The following PRR11 variants were observed in gnomAD, a reference collection of about 807,000 sequenced individuals.
PRR11 encodes the protein proline-rich protein 11.
In PRR11, 30 loss-of-function variants were observed where a neutral mutation model predicts 45.6. The observed-to-expected ratio is 0.66, with a 90% CI of 0.49 to 0.89. PRR11 has a LOEUF of 0.89. Ranked by LOEUF, PRR11 falls within the 40% of genes least tolerant of loss-of-function variation. The pLI is 0.00. For synonymous variants in PRR11, 128 were observed against 153.5 expected, an observed-to-expected ratio of 0.83 and a Z score of 1.23; for missense variants, 373 against 424.8, an observed-to-expected ratio of 0.88 and a Z score of 1.07.
At chr17:59,199,217 G>A (rs984483398) in intron 9 of PRR11, among the ~76,000 whole-genome samples, 7 of 152,214 alleles carry the variant, frequency 4.6e-5, no homozygotes, top group African/African-American at 1.2e-4. Flanking sequence ...GAAGAAGGAA[G>A]AGGCATTTAC....
chr17:59,165,105 C>G (rs1314564458), intron 1 of PRR11, among the ~76,000 whole-genome samples: 2 of 152,002 alleles, frequency 1.3e-5, no homozygotes, highest in Non-Finnish European at 2.9e-5. Context: ...ACTGCAAGCT[C>G]CGCCTCCCAG....
In PRR11 at chr17:59,195,435, C is replaced by G; in HGVS notation, c.849C>G (p.Asn283Lys). The G allele has an allele frequency of 6.3e-7, 1 of 1,598,470 alleles. No individual in the cohort carries two copies. The highest frequency in any genetic ancestry group is 1.1e-5 in the South Asian group (1 of 90,806). The change falls in exon 7 of 10, where the codon AAC (asparagine) becomes AAG (lysine). Residue 283 changes from asparagine to lysine, a missense_variant. Asn to Lys is a moderately conservative substitution (Grantham distance 94). Transcript: ENST00000262293. The stretch of plus-strand genomic sequence containing the variant: ...AAGTGTTATCGACTCGAGTTACAAA[C>G]GTCTTAATGTAAGGAACTGCACAGT... The part of the protein sequence containing the change: ...NSKVLSTRVT[N>K]VLITPGKSQM...
intron 7 of PRR11, among the ~76,000 whole-genome samples, chr17:59,195,925 A>G (rs973384441): frequency 1.1e-4 from 17 of 151,744 alleles, no homozygotes; most frequent in Non-Finnish European, 1.6e-4. Flanking sequence ...AAAAAAAACT[A>G]ATTAAATTAA....
intron 1 of PRR11, among the ~76,000 whole-genome samples, chr17:59,156,646 CTCTT>C (rs1196756501): frequency 3.6e-4 from 54 of 151,438 alleles, no homozygotes; most frequent in African/African-American, 9.5e-4. Context: ...AACTTTTCTT[CTCTT>C]TCTTTCTTTT....
At chr17:59,185,626 C>T (rs1168788547) in intron 4 of PRR11, 64 bp downstream of exon 4, 22 of 1,368,002 alleles carry the variant, frequency 1.6e-5, no homozygotes, top group African/African-American at 2.9e-5. Flanking sequence ...TTTGAAAAGA[C>T]TATTGCAATA....
chr17:59,193,555 A>G lies in PRR11; in HGVS notation c.466A>G (p.Thr156Ala). ...GQTCHMSGKLTNVPACVLITP... is the reference protein window; with the variant it reads ...GQTCHMSGKLANVPACVLITP... ...AACATGTCACATGAGTGGTAAACTT[A>G]CAAATGTGCCTGCCTGCGTTCTGAT... is the stretch of plus-strand genomic sequence containing the variant. Residue 156 changes from threonine (T) to alanine (A), a missense_variant, in exon 5 of 10, where the codon ACA becomes GCA. By Grantham distance (58) the Thr-to-Ala change is moderately conservative. Coordinates refer to ENST00000262293, the MANE Select transcript of PRR11 (RefSeq NM_018304.4). 1.9e-6 allele frequency: 3 copies of G among 1,614,220 alleles called. No individual in the cohort carries two copies. The highest frequency in any genetic ancestry group is 2.5e-6 in the Non-Finnish European group (3 of 1,180,044).
chr17:59,174,977 G>A, intron 2 of PRR11: 2 of 814,660 alleles, frequency 2.5e-6, no homozygotes, highest in Non-Finnish European at 2.0e-6. Context: ...ACTACTCCAG[G>A]GAAACCCAAG....
chr17:59,195,708 G>A (rs879329314), intron 7 of PRR11, among the ~76,000 whole-genome samples: 1 of 152,024 alleles, frequency 6.6e-6, no homozygotes, highest in Non-Finnish European at 1.5e-5. Flanking sequence ...ATGGTTTATT[G>A]CCCCATTTAA....
chr17:59,173,360 C>A (rs1202749851), intron 2 of PRR11, among the ~76,000 whole-genome samples: 2 of 152,122 alleles, frequency 1.3e-5, no homozygotes, highest in Non-Finnish European at 1.5e-5. Flanking sequence ...CACTTTCACG[C>A]TGTGGAAGGT....
intron 4 of PRR11, among the ~76,000 whole-genome samples, chr17:59,188,330 G>A (rs7211873): frequency 0.019 from 2,842 of 152,156 alleles, 81 homozygotes; most frequent in African/African-American, 0.065. Flanking sequence ...TATTGAGAAT[G>A]GCCTAAATTG....
intron 2 of PRR11, chr17:59,177,307 A>G: frequency 3.7e-6 from 2 of 542,196 alleles, no homozygotes; most frequent in South Asian, 2.8e-5. Flanking sequence ...TGGGAGAGGA[A>G]GATCGTGGAG....
chr17:59,173,637 A>T (rs2046724726), intron 2 of PRR11, among the ~76,000 whole-genome samples: 1 of 152,242 alleles, frequency 6.6e-6, no homozygotes, highest in Non-Finnish European at 1.5e-5. Context: ...ATCAGAAGGA[A>T]CAAACTCCGG....
rs1555716473 is a variant in PRR11, at chr17:59,180,501, T to TTTTTGTTTTG, written c.129-4549_129-4548insGTTTTGTTTT. On this transcript the variant is annotated intron_variant, in intron 2 of 9. Transcript: ENST00000262293. ...TGACTTCTGGGCCCGTCCTTGTTTT[T>TTTTTGTTTTG]TTTTTTTTGTTTTTTTTGTTTTTTT... 6.5e-3 allele frequency among the ~76,000 whole-genome samples: 755 copies of TTTTTGTTTTG among 116,212 alleles called. 31 individuals carry two copies. The highest frequency in any genetic ancestry group is 0.025 in the African/African-American group (715 of 28,320). The allele number at this position is 116,212 out of a possible 152,430, so 76.2% of individuals were successfully genotyped here.
At chr17:59,169,569 A>G (rs957326310) in intron 1 of PRR11, among the ~76,000 whole-genome samples, 179 bp from the exon 2 acceptor site, 1 of 152,328 alleles carries the variant, frequency 6.6e-6, no homozygotes. Context: ...ATCTGTGTTT[A>G]CATTTTCCCC....
intron 3 of PRR11, 87 bp downstream of exon 3, chr17:59,185,291 C>T: frequency 6.5e-7 from 1 of 1,533,640 alleles, no homozygotes; most frequent in South Asian, 1.2e-5. Flanking sequence ...TCAGTCCAAC[C>T]CTCAAGCTAA....
chr17:59,176,511 G>A (rs116199776), intron 2 of PRR11, among the ~76,000 whole-genome samples: 6,445 of 151,958 alleles, frequency 0.042, 339 homozygotes, highest in African/African-American at 0.12. Flanking sequence ...GGTCGATGGC[G>A]TTTGCAGTTG....
chr17:59,178,847 C>G (rs2046764182), intron 2 of PRR11, among the ~76,000 whole-genome samples: 1 of 152,172 alleles, frequency 6.6e-6, no homozygotes, highest in Non-Finnish European at 1.5e-5. Context: ...CCATCATTTC[C>G]TCATGAGACA....
intron 2 of PRR11, among the ~76,000 whole-genome samples, chr17:59,174,616 A>G (rs1391114722): frequency 6.6e-6 from 1 of 152,050 alleles, no homozygotes; most frequent in African/African-American, 2.4e-5. Context: ...TTGTATTTTT[A>G]TGGAGAGGGG....
intron 1 of PRR11, among the ~76,000 whole-genome samples, chr17:59,164,724 T>A (rs1262161056): frequency 6.6e-6 from 1 of 151,692 alleles, no homozygotes; most frequent in Non-Finnish European, 1.5e-5. Flanking sequence ...AAATAAATTT[T>A]AAAAATTAGC....
Sources: allele counts gnomAD v4.1 joint callset (sites outside exome capture counted in the v4.1 genomes callset), GRCh38; gene constraint gnomAD v4.1.1; transcripts MANE v1.5; gene names NCBI Gene and HGNC (gene_info 2026-07-23, HGNC 2026-07-21).